The following SPTBN1 variants were observed in gnomAD, a reference collection of about 807,000 sequenced individuals.
The protein encoded by SPTBN1 is spectrin beta, non-erythrocytic 1.
SPTBN1 carries 32 observed loss-of-function variants against 266.4 expected under a neutral mutation model. That is an observed-to-expected ratio of 0.12 (90% CI 0.09 to 0.16). The LOEUF is 0.16. Ranked by LOEUF, SPTBN1 falls within the 10% of genes least tolerant of loss-of-function variation. The pLI is 1.00. For missense variants in SPTBN1, 2,296 were observed against 3,067.1 expected, an observed-to-expected ratio of 0.75 and a Z score of 5.94; for synonymous variants, 1,336 against 1,162.2, an observed-to-expected ratio of 1.15 and a Z score of -3.04.
At position 54,649,293 on chromosome 2, in the gene SPTBN1, A is replaced by G. The variant is rs1361730251; in HGVS notation, c.5202+103A>G. 1.6e-6 allele frequency: 2 copies of G among 1,277,044 alleles called. No homozygotes were observed. The allele number at this position is 1,277,044 out of a possible 1,614,324, so 79.1% of individuals were successfully genotyped here. On this transcript the variant is annotated intron_variant, in intron 25 of 35. Transcript: ENST00000356805. This position sits in a 1 kb window ranked among gnomAD's most constrained non-coding sequence, Gnocchi z 6.7. Reference sequence around the variant, plus strand: ...GAGCAGATAAAATGCCCTGGACTCCAATCAGAGGTCTTGGGGTTTAGTTTT... The same window carrying G: ...GAGCAGATAAAATGCCCTGGACTCCGATCAGAGGTCTTGGGGTTTAGTTTT...
intron 1 of SPTBN1, among the ~76,000 whole-genome samples, chr2:54,515,424 T>A (rs1670061574): frequency 6.6e-6 from 1 of 152,240 alleles, no homozygotes; most frequent in Non-Finnish European, 1.5e-5. Context: ...TGTTGGGTGG[T>A]TACATCTTCA....
At chr2:54,529,668 A>G (rs1230252923) in intron 2 of SPTBN1, 3 of 720,320 alleles carry the variant, frequency 4.2e-6, no homozygotes, top group Admixed American at 1.7e-5. Context: ...AACAAGCACC[A>G]GATCAAACAG....
chr2:54,635,566 A>G (rs1679065039), intron 17 of SPTBN1, among the ~76,000 whole-genome samples: 2 of 152,368 alleles, frequency 1.3e-5, no homozygotes, highest in African/African-American at 2.4e-5. Context: ...AGGATTCTGT[A>G]TGGTCATATT....
At chr2:54,553,860 C>G (rs1167352698) in intron 2 of SPTBN1, among the ~76,000 whole-genome samples, 1 of 152,162 alleles carries the variant, frequency 6.6e-6, no homozygotes, top group Non-Finnish European at 1.5e-5. Context: ...GCAGGAAAAG[C>G]ATTCATCTTT....
rs115552988 is a variant in SPTBN1, at chr2:54,655,345, G to A, written c.5961+137G>A. On this transcript the variant is annotated intron_variant, in intron 28 of 35. Transcript: ENST00000356805. ...ACATATGTTTTAAAACTCCTTTCCT[G>A]TGCGTCTAGAATAATGCAATTATGC... is the stretch of plus-strand genomic sequence containing the variant. 2.1e-3 allele frequency: 2,558 copies of A among 1,215,776 alleles called. 7 individuals carry two copies. Among genetic ancestry groups the A allele is most frequent in the Non-Finnish European group, 2.8e-3 (2,452 of 887,900 alleles). 75.3% of individuals were successfully genotyped at this position (1,215,776 alleles called of 1,614,324 possible).
Position 54,629,271 on chromosome 2 carries a change from G to C in SPTBN1, c.2137G>C (p.Glu713Gln). Residue 713 changes from glutamate to glutamine, a missense_variant, in exon 14 of 36, where the codon GAG (glutamate) becomes CAG (glutamine). Around this residue, in one of 12 missense-constraint regions of SPTBN1, gnomAD observed 434 missense variants for 573.9 expected, o/e 0.76. Coordinates refer to ENST00000356805, the MANE Select transcript of SPTBN1 (RefSeq NM_003128.3). ...DMIAEEHFGS[E>Q]KIRERIIYIR... ...GATCGCGGAGGAGCACTTCGGGTCG[G>C]AGAAGATCCGTGAGAGGATCATTTA... is the stretch of plus-strand genomic sequence containing the variant. 1 of 1,614,072 alleles carries C rather than the reference G, an allele frequency of 6.2e-7. No individual in the cohort carries two copies.
Position 54,580,032 on chromosome 2 carries a change from A to C in SPTBN1, c.149-19060A>C, listed in dbSNP as rs78820654. Among the ~76,000 whole-genome samples the C allele has an allele frequency of 5.6e-3, 853 of 152,278 alleles. 11 individuals carry two copies. The highest frequency in any genetic ancestry group is 0.02 in the African/African-American group (820 of 41,552). On this transcript the variant is annotated intron_variant, in intron 2 of 35. Transcript: ENST00000356805. ...TCTTTATGTAAATAATTAACAGGGG[A>C]ATATTTTCATTTACGTTAAAGCCAT...
chr2:54,595,369 C>T (rs1043701392), intron 2 of SPTBN1, among the ~76,000 whole-genome samples: 1 of 152,162 alleles, frequency 6.6e-6, no homozygotes, highest in African/African-American at 2.4e-5. Flanking sequence ...AGTGCTTGTT[C>T]CTTGGAGGCA....
intron 2 of SPTBN1, among the ~76,000 whole-genome samples, chr2:54,580,075 G>A (rs1196694369): frequency 1.3e-5 from 2 of 152,126 alleles, no homozygotes; most frequent in Admixed American, 6.5e-5. Context: ...AGAGATTTCC[G>A]GGCTGGCTCT....
rs1429972697 is a variant in SPTBN1 at position 54,649,069 on chromosome 2, T to C, written c.5081T>C (p.Leu1694Pro). ...CTTGCTGAAGAGAGAAGAGGCAAGC[T>C]GGATGAGAGACACAGGTTATTCCAG... The part of the protein sequence containing the change: ...KDLAEERRGK[L>P]DERHRLFQLN... The change falls in exon 25 of 36, where the codon CTG becomes CCG. Residue 1694 changes from leucine to proline, a missense_variant. Physicochemically the swap from Leu to Pro is moderately conservative, Grantham distance 98. Around this residue, in one of 12 missense-constraint regions of SPTBN1, gnomAD observed 644 missense variants for 745.3 expected, o/e 0.86. Coordinates refer to ENST00000356805, the MANE Select transcript of SPTBN1 (RefSeq NM_003128.3). The surrounding 1 kb of genome is among the most constrained non-coding windows in gnomAD (Gnocchi z 6.7). 2.5e-6 allele frequency: 4 copies of C among 1,614,104 alleles called. No homozygotes were observed. Among genetic ancestry groups the C allele is most frequent in the Non-Finnish European group, 3.4e-6 (4 of 1,180,042 alleles).
rs1404974225 is a variant in SPTBN1, at chr2:54,629,021, G to A, written c.1887G>A (p.Glu629=). The A allele has an allele frequency of 6.2e-7, 1 of 1,613,770 alleles. No individual in the cohort carries two copies. The highest frequency in any genetic ancestry group is 2.2e-5 in the East Asian group (1 of 44,892). The change falls in exon 14 of 36, where the codon GAG becomes GAA. Residue 629 remains glutamate, a synonymous_variant. Transcript: ENST00000356805. ...AAGAGCTTTGCCAGCTGGCGGCTGAGCGCAGGGCCCGTCTGGAAGAGTCCC... is the reference window on the plus strand; with the variant it reads ...AAGAGCTTTGCCAGCTGGCGGCTGAACGCAGGGCCCGTCTGGAAGAGTCCC... The part of the protein sequence containing the change: ...CYQELCQLAA[E]RRARLEESRR...
intron 1 of SPTBN1, among the ~76,000 whole-genome samples, chr2:54,489,917 C>T (rs534601795): frequency 2.6e-5 from 4 of 152,070 alleles, no homozygotes; most frequent in Admixed American, 6.5e-5. Flanking sequence ...TCTGGATCAA[C>T]GAGAAGACCT....
intron 2 of SPTBN1, among the ~76,000 whole-genome samples, chr2:54,536,970 C>T (rs1043102538): frequency 2.6e-5 from 4 of 152,162 alleles, no homozygotes; most frequent in Non-Finnish European, 4.4e-5. Context: ...GAGGCTGAGG[C>T]TACAGTGAGC....
Position 54,625,051 on chromosome 2 carries a change from T to C in SPTBN1, c.1341+89T>C. On this transcript the variant is annotated intron_variant, in intron 11 of 35. Coordinates refer to ENST00000356805, the MANE Select transcript of SPTBN1 (RefSeq NM_003128.3). The stretch of plus-strand genomic sequence containing the variant: ...CAGGGGCATAGGGCCAGAGGACAGC[T>C]GCTTATCGACATTCATTATTCTGGA... 3 of 1,441,542 alleles carry C rather than the reference T, an allele frequency of 2.1e-6. No homozygotes were observed. The South Asian group carries it at 4.4e-5, about 21-fold the overall frequency. The allele number at this position is 1,441,542 out of a possible 1,614,324, so 89.3% of individuals were successfully genotyped here.
rs189739740 is a variant in SPTBN1, at chr2:54,666,734, G to C, written c.6833+646G>C. 3.3e-3 allele frequency among the ~76,000 whole-genome samples: 498 copies of C among 152,328 alleles called. 1 individual carries two copies. The highest frequency in any genetic ancestry group is 0.011 in the African/African-American group (476 of 41,572). On this transcript the variant is annotated intron_variant, in intron 34 of 35. Coordinates refer to ENST00000356805, the MANE Select transcript of SPTBN1 (RefSeq NM_003128.3). The stretch of plus-strand genomic sequence containing the variant: ...TTATCTTGTAAAAAGTGGTTAGAAT[G>C]CTTGTTTACTGATTTGTGCTGTTGC...
At chr2:54,511,083 C>A (rs577165606) in intron 1 of SPTBN1, among the ~76,000 whole-genome samples, 4 of 152,282 alleles carry the variant, frequency 2.6e-5, no homozygotes, top group Non-Finnish European at 4.4e-5. Context: ...AGTAGACATA[C>A]TTAACATACT....
chr2:54,625,073 T>C, intron 11 of SPTBN1, 111 bp downstream of exon 11: 5 of 1,343,130 alleles, frequency 3.7e-6, no homozygotes, highest in Non-Finnish European at 5.0e-6. Context: ...TTCATTATTC[T>C]GGAGGAACGT....
chr2:54,579,948 G>C (rs1274256257), intron 2 of SPTBN1, among the ~76,000 whole-genome samples: 2 of 152,192 alleles, frequency 1.3e-5, no homozygotes, highest in Admixed American at 6.5e-5. Flanking sequence ...CCTTTCTGAG[G>C]GTAAAAGCTG....
intron 10 of SPTBN1, among the ~76,000 whole-genome samples, chr2:54,623,817 A>C (rs1051568245): frequency 2.0e-5 from 3 of 152,244 alleles, no homozygotes; most frequent in Admixed American, 2.0e-4. Flanking sequence ...GATTTTATCA[A>C]ACCAGCTTTG....
Sources: allele counts gnomAD v4.1 joint callset (sites outside exome capture counted in the v4.1 genomes callset), GRCh38; gene constraint gnomAD v4.1.1; regional missense constraint gnomAD v4.1.1; non-coding constraint Gnocchi (gnomAD v3.1); transcripts MANE v1.5; gene names NCBI Gene and HGNC (gene_info 2026-07-23, HGNC 2026-07-21).